COL22A1: variants seen among roughly 807,000 people sequenced by gnomAD.
The protein encoded by COL22A1 is collagen type XXII alpha 1 chain.
COL22A1 carries 221 observed loss-of-function variants against 248.9 expected under a neutral mutation model. The ratio of observed to expected loss-of-function variants is 0.89; its 90% CI spans 0.80 to 0.99. The LOEUF (loss-of-function observed/expected upper bound fraction) is 0.99, where lower values mean the gene tolerates loss of function less well. Among genes scored for constraint, COL22A1 ranks in the 50% least tolerant of loss-of-function variants. The pLI, the probability that COL22A1 is intolerant of heterozygous loss-of-function variation, is 0.00. For missense variants in COL22A1, 2,240 were observed against 2,179.0 expected (o/e 1.03, Z -0.56); for synonymous variants, 891 against 793.4 (o/e 1.12, Z -2.07).
At chr8:138,654,427 T>A (rs144990593) in intron 45 of COL22A1, among the ~76,000 whole-genome samples, 148 of 151,952 alleles carry the variant, frequency 9.7e-4, no homozygotes, top group African/African-American at 3.5e-3. Flanking sequence ...CAATTTACAG[T>A]GAGATTGAAC....
intron 60 of COL22A1, 127 bp from the exon 61 acceptor site, chr8:138,599,025 C>A: frequency 1.1e-6 from 1 of 915,690 alleles, no homozygotes; most frequent in Admixed American, 2.2e-5. Flanking sequence ...CCTGGGTGGC[C>A]CATGTGTGGC....
chr8:138,810,346 G>A (rs959180352), intron 9 of COL22A1, among the ~76,000 whole-genome samples: 1 of 152,210 alleles, frequency 6.6e-6, no homozygotes, highest in South Asian at 2.1e-4. Context: ...CCTGCTCATT[G>A]CTTTAAACAA....
chr8:138,882,017 G>T (rs1219141480), intron 2 of COL22A1, among the ~76,000 whole-genome samples: 1 of 152,046 alleles, frequency 6.6e-6, no homozygotes, highest in Non-Finnish European at 1.5e-5. Context: ...ACATAAACAC[G>T]CTTTTCTCAC....
At chr8:138,883,279 C>CA in intron 1 of COL22A1, 35 bp from the exon 2 acceptor site, 1 of 1,190,798 alleles carries the variant, frequency 8.4e-7, no homozygotes. Context: ...AGAAGGCTCT[C>CA]AAGCTGAAAG....
intron 6 of COL22A1, chr8:138,825,674 T>C (rs1244529536): frequency 6.6e-6 from 1 of 152,222 alleles, no homozygotes; most frequent in East Asian, 1.9e-4. Context: ...AAGAGTATCT[T>C]GCCCTCTCAG....
At chr8:138,619,131 C>T (rs1309799778) in intron 53 of COL22A1, among the ~76,000 whole-genome samples, 1 of 152,020 alleles carries the variant, frequency 6.6e-6, no homozygotes, top group Non-Finnish European at 1.5e-5. Context: ...AAAACCTTAG[C>T]TATGGAAAGT....
intron 1 of COL22A1, among the ~76,000 whole-genome samples, chr8:138,912,558 T>A (rs187541629): frequency 9.1e-4 from 138 of 152,246 alleles, no homozygotes; most frequent in African/African-American, 3.2e-3. Flanking sequence ...CTGACCAACA[T>A]GGAGAAACCG....
At chr8:138,771,606 G>A (rs1834372368) in intron 16 of COL22A1, among the ~76,000 whole-genome samples, 1 of 152,196 alleles carries the variant, frequency 6.6e-6, no homozygotes, top group Non-Finnish European at 1.5e-5. Context: ...AAAAAAGCCT[G>A]TTGCTTCCAA....
chr8:138,806,148 GTGA>G (rs1322164170), intron 10 of COL22A1, among the ~76,000 whole-genome samples: 2 of 137,434 alleles, frequency 1.5e-5, no homozygotes, highest in Non-Finnish European at 3.1e-5. Context: ...TGGTGTGTGT[GTGA>G]TGGTGTGTGT....
chr8:138,590,363 T>C (rs985006284), intron 64 of COL22A1, among the ~76,000 whole-genome samples: 1 of 152,188 alleles, frequency 6.6e-6, no homozygotes, highest in Non-Finnish European at 1.5e-5. Context: ...GAGGCCTCAG[T>C]GTTATTCATT....
intron 52 of COL22A1, 47 bp from the exon 53 acceptor site, chr8:138,619,555 A>C: frequency 6.4e-7 from 1 of 1,556,498 alleles, no homozygotes; most frequent in East Asian, 2.2e-5. Context: ...CATTGTAAGA[A>C]TCTTCCTATT....
chr8:138,723,018 A>G (rs537142219), intron 25 of COL22A1, among the ~76,000 whole-genome samples: 1 of 152,078 alleles, frequency 6.6e-6, no homozygotes, highest in South Asian at 2.1e-4. Flanking sequence ...TACCTATGTA[A>G]CAAGCTTGCA....
intron 13 of COL22A1, among the ~76,000 whole-genome samples, chr8:138,780,215 A>T (rs780458024): frequency 2.0e-5 from 3 of 152,112 alleles, no homozygotes; most frequent in Admixed American, 6.5e-5. Flanking sequence ...GTGAGAAGAG[A>T]GTCTAGGGTC....
chr8:138,731,380 T>C (rs1369991478), intron 23 of COL22A1, among the ~76,000 whole-genome samples: 3 of 151,920 alleles, frequency 2.0e-5, no homozygotes, highest in Non-Finnish European at 4.4e-5. Context: ...TGAGAGACCA[T>C]GAGACAAATA....
intron 3 of COL22A1, among the ~76,000 whole-genome samples, chr8:138,875,849 G>A (rs1041448012): frequency 1.3e-5 from 2 of 152,174 alleles, no homozygotes; most frequent in Admixed American, 6.5e-5. Flanking sequence ...GTGAAGTCAC[G>A]TATGGGAAGT....
rs563975514 is a variant in COL22A1 at position 138,883,620 on chromosome 8, A to G, written c.-72-376T>C. On this transcript the variant is annotated intron_variant, in intron 1 of 64. Transcript: ENST00000303045. ...GAGGGACCTGGTCGGAGGTGATTGG[A>G]TCATGGGGGCAGTTTCCCCCATGCT... Among the ~76,000 whole-genome samples, 271 of 152,222 alleles carry G rather than the reference A, an allele frequency of 1.8e-3. 3 individuals are homozygous for G. Among genetic ancestry groups the G allele is most frequent in the Non-Finnish European group, 9.0e-4 (61 of 68,006 alleles).
intron 1 of COL22A1, among the ~76,000 whole-genome samples, chr8:138,896,752 C>T (rs1328475553): frequency 3.9e-5 from 6 of 152,190 alleles, no homozygotes; most frequent in African/African-American, 1.2e-4. Context: ...GCAGGCAGAT[C>T]ACCTGAGGTC....
intron 45 of COL22A1, among the ~76,000 whole-genome samples, chr8:138,655,239 T>C (rs1049066190): frequency 1.4e-4 from 22 of 152,302 alleles, no homozygotes; most frequent in African/African-American, 5.3e-4. Flanking sequence ...GTAGCATAGC[T>C]CCAAATAATG....
chr8:138,675,534 T>C (rs1469275184), intron 41 of COL22A1, among the ~76,000 whole-genome samples: 2 of 152,210 alleles, frequency 1.3e-5, no homozygotes, highest in Non-Finnish European at 2.9e-5. Flanking sequence ...ACAACAACAA[T>C]AATACATGGG....
Sources: allele counts gnomAD v4.1 joint callset (sites outside exome capture counted in the v4.1 genomes callset), GRCh38; gene constraint gnomAD v4.1.1; transcripts MANE v1.5; gene names NCBI Gene and HGNC (gene_info 2026-07-23, HGNC 2026-07-21).